Variants in GPR155 observed in about 807,000 individuals in gnomAD.
The protein encoded by GPR155 is G protein-coupled receptor 155.
Under a neutral mutation model 93.1 loss-of-function variants are expected in GPR155, and 65 were observed. The ratio of observed to expected loss-of-function variants is 0.70; its 90% CI spans 0.57 to 0.86. The LOEUF is 0.86. Among genes scored for constraint, GPR155 ranks in the 40% least tolerant of loss-of-function variants. The pLI is 0.00. For missense variants in GPR155, 838 were observed against 1,034.8 expected (o/e 0.81, Z 2.61); for synonymous variants, 319 against 360.1 (o/e 0.89, Z 1.29).
chr2:174,450,437 A>G (rs2105687871), intron 11 of GPR155, among the ~76,000 whole-genome samples: 1 of 152,340 alleles, frequency 6.6e-6, no homozygotes, highest in South Asian at 2.1e-4. Context: ...TAATATACCC[A>G]GGTAGCAAAA....
chr2:174,472,535 C>T (rs1378731046), intron 3 of GPR155, among the ~76,000 whole-genome samples: 1 of 152,136 alleles, frequency 6.6e-6, no homozygotes, highest in East Asian at 1.9e-4. Context: ...TGGCCAACCT[C>T]AGAACTACAA....
At position 174,469,187 on chromosome 2, in the gene GPR155, T is replaced by TA. The variant is rs1429914379; in HGVS notation, c.1027-121dup. The TA allele has an allele frequency of 1.4e-5, 11 of 785,258 alleles. No homozygotes were observed. In the African/African-American group the frequency reaches 1.9e-4, roughly 14 times the overall value. 48.6% of individuals were successfully genotyped at this position (785,258 alleles called of 1,614,324 possible). A position where few individuals can be genotyped will look rare whatever the true frequency, so the allele number is the denominator to read the frequency against. ...AAAATGAGACACAGTAAAGACATTA[T>TA]AAAATCCAGCATGTTATCCAATACC... On this transcript the variant is annotated intron_variant, in intron 4 of 15. Coordinates refer to ENST00000392552, the MANE Select transcript of GPR155 (RefSeq NM_152529.7).
At chr2:174,447,599 TATTTA>T (rs1430185760) in intron 11 of GPR155, among the ~76,000 whole-genome samples, 6 of 146,146 alleles carry the variant, frequency 4.1e-5, no homozygotes, top group Non-Finnish European at 7.5e-5. Flanking sequence ...AAAAATTTTA[TATTTA>T]ATTATATTTA....
chr2:174,442,510 G>GT (rs1427235900), intron 13 of GPR155, among the ~76,000 whole-genome samples: 2 of 152,154 alleles, frequency 1.3e-5, no homozygotes, highest in African/African-American at 4.8e-5. Flanking sequence ...CCCACTGTGC[G>GT]TAAGTATTTA....
intron 14 of GPR155, among the ~76,000 whole-genome samples, chr2:174,441,485 AG>A: frequency 1.3e-5 from 2 of 152,026 alleles, no homozygotes; most frequent in South Asian, 4.2e-4. Flanking sequence ...AAAAACATGC[AG>A]GTTTGTTACA....
chr2:174,468,366 G>C (rs1687899132), intron 5 of GPR155, among the ~76,000 whole-genome samples: 1 of 151,978 alleles, frequency 6.6e-6, no homozygotes, highest in African/African-American at 2.4e-5. Context: ...AGATACTCTA[G>C]CTGTCATATA....
chr2:174,481,791 C>T lies in GPR155; in HGVS notation c.166G>A (p.Gly56Ser). The change falls in exon 2 of 16, where the codon GGC (glycine) becomes AGC (serine). Residue 56 changes from glycine (G) to serine (S), a missense_variant. Gly to Ser is a moderately conservative substitution (Grantham distance 56, BLOSUM62 0). Around this residue, in one of 3 missense-constraint regions of GPR155, gnomAD observed 663 missense variants for 790.1 expected, o/e 0.84. Transcript: ENST00000392552. ...LLECFGIVLCGYIAGRANVIT... is the reference protein window; with the variant it reads ...LLECFGIVLCSYIAGRANVIT... Reference sequence around the variant, plus strand: ...ACATTGGCCCTTCCTGCTATGTAGCCACAAAGGACAATGCCAAAGCATTCC... The same window carrying T: ...ACATTGGCCCTTCCTGCTATGTAGCTACAAAGGACAATGCCAAAGCATTCC... 6.2e-7 allele frequency: 1 copy of T among 1,614,196 alleles called. No individual in the cohort carries two copies. Among genetic ancestry groups the T allele is most frequent in the African/African-American group, 1.3e-5 (1 of 75,056 alleles).
intron 1 of GPR155, 59 bp downstream of exon 1, chr2:174,486,814 C>T (rs1380020394): frequency 1.3e-5 from 2 of 152,760 alleles, no homozygotes; most frequent in African/African-American, 4.8e-5. Flanking sequence ...CAGGGGTACC[C>T]CGTGCCCGCA....
intron 2 of GPR155, among the ~76,000 whole-genome samples, chr2:174,474,140 T>C (rs1467168469): frequency 6.6e-6 from 1 of 152,120 alleles, no homozygotes; most frequent in Non-Finnish European, 1.5e-5. Flanking sequence ...TGAGAGGGAA[T>C]GCCTAGAATG....
At chr2:174,440,107 C>CTG (rs1324711297) in intron 14 of GPR155, 72 bp from the exon 15 acceptor site, 1 of 1,302,534 alleles carries the variant, frequency 7.7e-7, no homozygotes, top group African/African-American at 1.5e-5. Flanking sequence ...GCCTTATCAC[C>CTG]CCATCAAAAT....
chr2:174,470,798 A>G (rs1041410229), intron 3 of GPR155, among the ~76,000 whole-genome samples: 1 of 152,182 alleles, frequency 6.6e-6, no homozygotes, highest in East Asian at 1.9e-4. Context: ...TTAGGAGGGA[A>G]AAAAAGATGT....
chr2:174,481,713 G>A lies in GPR155; in HGVS notation c.244C>T (p.Leu82Phe), dbSNP rs780030792. Residue 82 changes from leucine to phenylalanine, a missense_variant, in exon 2 of 16, where the codon CTT becomes TTT. Physicochemically the swap from Leu to Phe is conservative, Grantham distance 22 (BLOSUM62 0). Transcript: ENST00000392552. ...GLGNFVSRFALPALLFKNMVV... is the reference protein window; with the variant it reads ...GLGNFVSRFAFPALLFKNMVV... ...ATGTTTTTGAATAATAAAGCTGGAA[G>A]TGCAAATCTGGAGACAAAATTTCCT... 4 of 1,614,008 alleles carry A rather than the reference G, an allele frequency of 2.5e-6. No individual in the cohort carries two copies. Among genetic ancestry groups the A allele is most frequent in the Middle Eastern group, 1.6e-4 (1 of 6,082 alleles).
At position 174,433,756 on chromosome 2, in the gene GPR155, C is replaced by T. The variant is rs1221506210; in HGVS notation, c.*2360G>A. ...AAATTTGCCTTACCAGACACTAGAT[C>T]TGTTAGTGCCTTAATCTTGGACTTC... On this transcript the variant is annotated 3_prime_UTR_variant, in exon 16 of 16. Transcript: ENST00000392552. The T allele has an allele frequency of 6.6e-6, 1 of 152,148 alleles. No homozygotes were observed. Among genetic ancestry groups the T allele is most frequent in the Non-Finnish European group, 1.5e-5 (1 of 68,058 alleles). The allele number at this position is 152,148 out of a possible 1,614,324, so 9.4% of individuals were successfully genotyped here.
chr2:174,481,461 A>G (rs1688316470), intron 2 of GPR155, 36 bp downstream of exon 2: 2 of 1,294,262 alleles, frequency 1.5e-6, no homozygotes, highest in African/African-American at 3.0e-5. Flanking sequence ...TTAAAATTGA[A>G]TTTTTTAAAC....
intron 7 of GPR155, among the ~76,000 whole-genome samples, chr2:174,465,089 C>T (rs552242927): frequency 6.6e-6 from 1 of 152,322 alleles, no homozygotes; most frequent in African/African-American, 2.4e-5. Flanking sequence ...TATTATACTT[C>T]AAAATAGCAA....
At chr2:174,442,052 A>T in intron 14 of GPR155, 67 bp downstream of exon 14, 1 of 849,402 alleles carries the variant, frequency 1.2e-6, no homozygotes, top group South Asian at 1.4e-5. Flanking sequence ...GCCCCATATC[A>T]GTATCTTAAT....
intron 1 of GPR155, among the ~76,000 whole-genome samples, chr2:174,485,522 G>A (rs1199399660): frequency 6.6e-6 from 1 of 151,392 alleles, no homozygotes. Context: ...TCTTGCACCC[G>A]GGAGGCAGAG....
Position 174,434,888 on chromosome 2 carries a change from C to T in GPR155, c.*1228G>A, listed in dbSNP as rs1686732217. On this transcript the variant is annotated 3_prime_UTR_variant, in exon 16 of 16. Coordinates refer to ENST00000392552, the MANE Select transcript of GPR155 (RefSeq NM_152529.7). ...AAGCGATCTGCCCGCCTCAGCCTCCCAAAGTGCTGAGATTACAGGCGTGAG... is the reference window on the plus strand; with the variant it reads ...AAGCGATCTGCCCGCCTCAGCCTCCTAAAGTGCTGAGATTACAGGCGTGAG... 6.6e-6 allele frequency: 1 copy of T among 151,674 alleles called. No homozygotes were observed. Among genetic ancestry groups the T allele is most frequent in the South Asian group, 2.1e-4 (1 of 4,820 alleles). The allele number at this position is 151,674 out of a possible 1,614,324, so 9.4% of individuals were successfully genotyped here.
In GPR155 at chr2:174,436,022, G is replaced by GC; in HGVS notation, c.*93_*94insG. 1.1e-6 allele frequency: 1 copy of GC among 925,736 alleles called. No individual in the cohort carries two copies. The highest frequency in any genetic ancestry group is 1.7e-6 in the Non-Finnish European group (1 of 589,606). The allele number at this position is 925,736 out of a possible 1,614,324, so 57.3% of individuals were successfully genotyped here. A position where few individuals can be genotyped will look rare whatever the true frequency, so the allele number is the denominator to read the frequency against. On this transcript the variant is annotated 3_prime_UTR_variant, in exon 16 of 16. Transcript: ENST00000392552. ...GAAGAGACAACTGAGGCTCAGAGAGGTTGCCTCTGTTAACTTGCCCAAGGT... is the reference window on the plus strand; with the variant it reads ...GAAGAGACAACTGAGGCTCAGAGAGGCTTGCCTCTGTTAACTTGCCCAAGGT...
Sources: gnomAD v4.1 joint callset for allele counts (sites outside exome capture counted in the v4.1 genomes callset) on GRCh38, gnomAD v4.1.1 for gene constraint, gnomAD v4.1.1 regional missense constraint, MANE v1.5 for transcripts, NCBI Gene and HGNC (gene_info 2026-07-23, HGNC 2026-07-21) for gene names.